Variants in SLC24A2 observed in about 807,000 individuals in gnomAD.
The protein encoded by SLC24A2 is sodium/potassium/calcium exchanger 2.
A neutral mutation model predicts 62.0 loss-of-function variants in SLC24A2; 36 were observed. The ratio of observed to expected loss-of-function variants is 0.58; its 90% CI spans 0.44 to 0.77. The LOEUF (loss-of-function observed/expected upper bound fraction) is 0.77, where lower values mean the gene tolerates loss of function less well. SLC24A2 is among the 30% of genes least tolerant of loss of function. The pLI is 0.00. For missense variants in SLC24A2, 846 were observed against 817.9 expected, an observed-to-expected ratio of 1.03 and a Z score of -0.42; for synonymous variants, 358 against 294.0, an observed-to-expected ratio of 1.22 and a Z score of -2.23.
intron 7 of SLC24A2, among the ~76,000 whole-genome samples, chr9:19,568,960 G>A (rs574655351): frequency 4.6e-5 from 7 of 151,936 alleles, no homozygotes; most frequent in South Asian, 2.1e-4. Flanking sequence ...CTTTCTTTCC[G>A]TGTACAAATA....
chr9:20,059,213 G>A, the SLC24A2 span, among the ~76,000 whole-genome samples: 8 of 152,088 alleles, frequency 5.3e-5, no homozygotes, highest in Non-Finnish European at 1.0e-4. Context: ...TATTCACAAG[G>A]GTCCTCATAA....
At chr9:20,197,052 T>C in the SLC24A2 span, among the ~76,000 whole-genome samples, 1 of 152,220 alleles carries the variant, frequency 6.6e-6, no homozygotes, top group Non-Finnish European at 1.5e-5. Context: ...TGTTGAACAT[T>C]GGATTAGGTT....
At chr9:19,778,332 C>T (rs550202083) in intron 2 of SLC24A2, among the ~76,000 whole-genome samples, 31 of 152,222 alleles carry the variant, frequency 2.0e-4, no homozygotes, top group African/African-American at 7.2e-4. Context: ...TTTGCCATTC[C>T]TTAGCAGCCT....
chr9:20,290,051 A>G, the SLC24A2 span, among the ~76,000 whole-genome samples: 4 of 152,180 alleles, frequency 2.6e-5, no homozygotes, highest in African/African-American at 9.7e-5. Flanking sequence ...CCTCTGAGCC[A>G]CAACAGTGGC....
the SLC24A2 span, among the ~76,000 whole-genome samples, chr9:20,036,931 C>CTT: frequency 0.66 from 99,185 of 151,426 alleles, 33,374 homozygotes; most frequent in East Asian, 0.95. Flanking sequence ...GAGTTTTGCT[C>CTT]GTTACCCAGG....
chr9:19,560,910 TATATATAGAGAGAGAG>T lies in SLC24A2; in HGVS notation c.1348-10658_1348-10643del, dbSNP rs1262356827. ...GTGTGTGTGTGTGTATATATATATA[TATATATAGAGAGAGAG>T]AGAGAGAGAGAGAGAGAGAGACAGA... is the stretch of plus-strand genomic sequence containing the variant. On this transcript the variant is annotated intron_variant, in intron 7 of 10. Transcript: ENST00000341998. Among the ~76,000 whole-genome samples the T allele has an allele frequency of 1.9e-3, 108 of 56,132 alleles. 1 individual carries two copies. Among genetic ancestry groups the T allele is most frequent in the African/African-American group, 6.9e-3 (100 of 14,430 alleles). The allele number at this position is 56,132 out of a possible 152,430, so 36.8% of individuals were successfully genotyped here.
the SLC24A2 span, among the ~76,000 whole-genome samples, chr9:19,851,006 TACATATATATATATATACATA>T: frequency 1.0e-3 from 69 of 65,982 alleles, 4 homozygotes; most frequent in Middle Eastern, 0.013. Flanking sequence ...TATATACACA[TACATATATATATATATACATA>T]TTTTTTTTTT....
the SLC24A2 span, among the ~76,000 whole-genome samples, chr9:20,080,338 C>G: frequency 1.3e-5 from 2 of 152,210 alleles, no homozygotes; most frequent in South Asian, 2.1e-4. Flanking sequence ...CTGCAACTAT[C>G]TGATCTTTGA....
chr9:19,573,395 G>C lies in SLC24A2; in HGVS notation c.1303C>G (p.Gln435Glu). The change falls in exon 7 of 11, where the codon CAA (glutamine) becomes GAA (glutamate). Residue 435 changes from glutamine (Q) to glutamate (E), a missense_variant. By Grantham distance (29) the Gln-to-Glu change is conservative (BLOSUM62 2). Transcript: ENST00000341998. Reference protein sequence around the residue: ...TPSSDASEPVQNGNLSHNIEG... With the variant: ...TPSSDASEPVENGNLSHNIEG... Reference sequence around the variant, plus strand: ...ATGTTGTGGGAGAGATTTCCATTTTGTACAGGTTCTGAAGCATCACTGGAT... The same window carrying C: ...ATGTTGTGGGAGAGATTTCCATTTTCTACAGGTTCTGAAGCATCACTGGAT... 2 of 1,613,410 alleles carry C rather than the reference G, an allele frequency of 1.2e-6. No individual in the cohort carries two copies. Among genetic ancestry groups the C allele is most frequent in the East Asian group, 2.2e-5 (1 of 44,798 alleles).
chr9:20,194,324 A>G, the SLC24A2 span, among the ~76,000 whole-genome samples: 11 of 152,126 alleles, frequency 7.2e-5, no homozygotes, highest in Non-Finnish European at 1.5e-4. Flanking sequence ...GTAAGGCACT[A>G]TTCTTTAGAG....
At chr9:20,264,374 C>A in the SLC24A2 span, among the ~76,000 whole-genome samples, 1 of 152,192 alleles carries the variant, frequency 6.6e-6, no homozygotes, top group Admixed American at 6.5e-5. Context: ...TGGGCAGGGC[C>A]ACCAAAAAGC....
the SLC24A2 span, among the ~76,000 whole-genome samples, chr9:20,280,486 T>A: frequency 6.6e-6 from 1 of 152,182 alleles, no homozygotes; most frequent in Non-Finnish European, 1.5e-5. Flanking sequence ...AGGTCTGGGC[T>A]GGGCACCTCA....
chr9:19,884,677 G>A, the SLC24A2 span, among the ~76,000 whole-genome samples: 4 of 152,092 alleles, frequency 2.6e-5, no homozygotes, highest in Non-Finnish European at 4.4e-5. Context: ...AAAGTGATAT[G>A]CATTTAGTAA....
chr9:19,854,098 T>C, the SLC24A2 span, among the ~76,000 whole-genome samples: 3 of 152,220 alleles, frequency 2.0e-5, no homozygotes, highest in Non-Finnish European at 4.4e-5. Flanking sequence ...GAGGTGTTTA[T>C]AGTATTCTCT....
the SLC24A2 span, among the ~76,000 whole-genome samples, chr9:20,239,302 T>G: frequency 3.3e-5 from 5 of 152,254 alleles, no homozygotes; most frequent in Non-Finnish European, 7.3e-5. Flanking sequence ...CATGGGACAT[T>G]ATAATAAAAT....
At chr9:20,088,340 GC>G in the SLC24A2 span, among the ~76,000 whole-genome samples, 1 of 152,304 alleles carries the variant, frequency 6.6e-6, no homozygotes, top group African/African-American at 2.4e-5. Context: ...CTGTTTTGCA[GC>G]CTTAGCCGTT....
intron 2 of SLC24A2, among the ~76,000 whole-genome samples, chr9:19,691,831 A>G (rs999829314): frequency 2.6e-5 from 4 of 152,142 alleles, no homozygotes; most frequent in Non-Finnish European, 5.9e-5. Flanking sequence ...GGATGAGGAT[A>G]AAAGTTGCTT....
the SLC24A2 span, among the ~76,000 whole-genome samples, chr9:20,081,730 G>C: frequency 6.6e-5 from 10 of 152,132 alleles, no homozygotes; most frequent in Non-Finnish European, 1.5e-4. Context: ...CACAGGGTTT[G>C]AGAGGACCTC....
the SLC24A2 span, among the ~76,000 whole-genome samples, chr9:20,227,054 G>C: frequency 6.6e-6 from 1 of 152,052 alleles, no homozygotes; most frequent in Non-Finnish European, 1.5e-5. Flanking sequence ...TCCAAACACT[G>C]GTGGTAACTT....
Sources: gnomAD v4.1 joint callset for allele counts (sites outside exome capture counted in the v4.1 genomes callset) on GRCh38, gnomAD v4.1.1 for gene constraint, MANE v1.5 for transcripts, NCBI Gene and HGNC (gene_info 2026-07-23, HGNC 2026-07-21) for gene names.